The following LHFPL2 variants were observed in gnomAD, a reference collection of about 807,000 sequenced individuals.
LHFPL2 encodes the protein LHFPL tetraspan subfamily member 2.
In LHFPL2, 7 loss-of-function variants were observed where a neutral mutation model predicts 17.5. The ratio of observed to expected loss-of-function variants is 0.40; its 90% CI spans 0.23 to 0.75. The LOEUF (loss-of-function observed/expected upper bound fraction) is 0.75. Ranked by LOEUF, LHFPL2 falls within the 30% of genes least tolerant of loss-of-function variation. LHFPL2 has a pLI of 0.37. For synonymous variants in LHFPL2, 134 were observed against 116.2 expected (o/e 1.15, Z -0.99); for missense variants, 241 against 294.8 (o/e 0.82, Z 1.34).
intron 3 of LHFPL2, among the ~76,000 whole-genome samples, chr5:78,558,810 T>C (rs1412938298): frequency 2.0e-5 from 3 of 152,150 alleles, no homozygotes; most frequent in African/African-American, 4.8e-5. Context: ...AGGGAAAACA[T>C]GCATTCTTCT....
chr5:78,614,296 T>A (rs1037622836), intron 2 of LHFPL2, among the ~76,000 whole-genome samples: 1 of 152,238 alleles, frequency 6.6e-6, no homozygotes. Context: ...CAAATGCTAC[T>A]AGAACAACTC....
intron 4 of LHFPL2, 116 bp from the exon 5 acceptor site, chr5:78,489,269 A>G (rs1754358682): frequency 2.6e-6 from 3 of 1,162,278 alleles, no homozygotes; most frequent in South Asian, 2.9e-5. Flanking sequence ...ATTCTGCAAT[A>G]GAAAGTGTTG....
At chr5:78,525,203 C>T (rs1486000029) in intron 3 of LHFPL2, among the ~76,000 whole-genome samples, 2 of 152,200 alleles carry the variant, frequency 1.3e-5, no homozygotes, top group African/African-American at 4.8e-5. Flanking sequence ...TGGTTTAGAC[C>T]CAGGGACTGA....
intron 2 of LHFPL2, among the ~76,000 whole-genome samples, chr5:78,615,552 A>G (rs1744572166): frequency 6.6e-6 from 1 of 152,230 alleles, no homozygotes; most frequent in Admixed American, 6.5e-5. Context: ...GCTCTTTCAT[A>G]AACTCTAAGC....
rs1417589050 is a variant in LHFPL2 at position 78,487,856 on chromosome 5, T to TAACTC, written c.*1036_*1040dup. ...ATCAACACCAGTAACTACAAAAACT[T>TAACTC]AACTCCCATAACTAGCTTCTTTTTG... On this transcript the variant is annotated 3_prime_UTR_variant, in exon 5 of 5. Transcript: ENST00000380345. 6.6e-6 allele frequency: 1 copy of TAACTC among 152,192 alleles called. No individual in the cohort carries two copies. The highest frequency in any genetic ancestry group is 1.5e-5 in the Non-Finnish European group (1 of 68,044). 9.4% of individuals were successfully genotyped at this position (152,192 alleles called of 1,614,324 possible). A position where few individuals can be genotyped will look rare whatever the true frequency, so the allele number is the denominator to read the frequency against.
intron 4 of LHFPL2, among the ~76,000 whole-genome samples, chr5:78,504,040 GACT>G (rs907400123): frequency 6.6e-6 from 1 of 152,016 alleles, no homozygotes; most frequent in Non-Finnish European, 1.5e-5. Context: ...TTTACCAAGG[GACT>G]ACTAAAGGCT....
rs185801136 is a variant in LHFPL2 at position 78,527,777 on chromosome 5, G to A, written c.-185-17379C>T. On this transcript the variant is annotated intron_variant, in intron 3 of 4. Transcript: ENST00000380345. Reference sequence around the variant, plus strand: ...AGACTAAACAACATCATTCAGCTGGGAAAATTAGCTACCCATCTTGGTCCC... The same window carrying A: ...AGACTAAACAACATCATTCAGCTGGAAAAATTAGCTACCCATCTTGGTCCC... Among the ~76,000 whole-genome samples the A allele has an allele frequency of 3.1e-3, 465 of 152,238 alleles. 2 individuals are homozygous for A. The highest frequency in any genetic ancestry group is 0.011 in the Admixed American group (169 of 15,284).
At position 78,488,839 on chromosome 5, in the gene LHFPL2, A is replaced by G. The variant is rs762074601; in HGVS notation, c.*58T>C. On this transcript the variant is annotated 3_prime_UTR_variant, in exon 5 of 5. Transcript: ENST00000380345. The stretch of plus-strand genomic sequence containing the variant: ...GTTCTCCACTTGACTCAAATGATGA[A>G]ACTGTGGACTGTTTCACAAGATTAC... The G allele has an allele frequency of 2.5e-6, 4 of 1,583,622 alleles. No homozygotes were observed. The highest frequency in any genetic ancestry group is 3.4e-6 in the Non-Finnish European group (4 of 1,162,922).
chr5:78,492,742 G>A (rs1754486367), intron 4 of LHFPL2, among the ~76,000 whole-genome samples: 1 of 152,238 alleles, frequency 6.6e-6, no homozygotes, highest in African/African-American at 2.4e-5. Context: ...GCTTCAGCTT[G>A]AATATTTATA....
intron 2 of LHFPL2, among the ~76,000 whole-genome samples, chr5:78,628,213 G>T (rs1745119145): frequency 6.6e-6 from 1 of 152,160 alleles, no homozygotes; most frequent in South Asian, 2.1e-4. Context: ...AAGGGCTAAT[G>T]AAATTATCTC....
At chr5:78,583,937 G>C (rs1298923142) in intron 2 of LHFPL2, among the ~76,000 whole-genome samples, 1 of 151,492 alleles carries the variant, frequency 6.6e-6, no homozygotes, top group African/African-American at 2.4e-5. Context: ...ACGTAGATTT[G>C]GTCTTTTCAC....
At chr5:78,513,695 G>A (rs757296057) in intron 3 of LHFPL2, among the ~76,000 whole-genome samples, 3 of 152,160 alleles carry the variant, frequency 2.0e-5, no homozygotes, top group Admixed American at 1.3e-4. Context: ...TAGTGAATAA[G>A]TCTCACAAGA....
At chr5:78,519,975 A>G (rs748628106) in intron 3 of LHFPL2, among the ~76,000 whole-genome samples, 22 of 151,250 alleles carry the variant, frequency 1.5e-4, no homozygotes, top group Non-Finnish European at 2.8e-4. Context: ...ACGCTCTAGC[A>G]TTAACTAGCT....
chr5:78,568,652 TA>T (rs1756919871), intron 2 of LHFPL2, among the ~76,000 whole-genome samples: 1 of 152,178 alleles, frequency 6.6e-6, no homozygotes, highest in Non-Finnish European at 1.5e-5. Context: ...AACTGTGTAA[TA>T]AACAGAGTTG....
chr5:78,590,465 T>C (rs909905124), intron 2 of LHFPL2, among the ~76,000 whole-genome samples: 30 of 152,210 alleles, frequency 2.0e-4, no homozygotes, highest in African/African-American at 7.2e-4. Flanking sequence ...TAATAAATAC[T>C]ATAAGTAAAG....
chr5:78,507,937 T>C (rs1190102971), intron 4 of LHFPL2, among the ~76,000 whole-genome samples: 5 of 84,442 alleles, frequency 5.9e-5, no homozygotes, highest in Non-Finnish European at 1.1e-4. Context: ...GATATACACA[T>C]GCATACACAC....
intron 2 of LHFPL2, among the ~76,000 whole-genome samples, chr5:78,602,977 G>A (rs1006870347): frequency 1.3e-5 from 2 of 152,188 alleles, no homozygotes; most frequent in Admixed American, 6.5e-5. Flanking sequence ...TGCAACCTTC[G>A]CCTCCTGGGT....
At chr5:78,489,861 A>G (rs1754379203) in intron 4 of LHFPL2, among the ~76,000 whole-genome samples, 1 of 151,932 alleles carries the variant, frequency 6.6e-6, no homozygotes, top group Non-Finnish European at 1.5e-5. Context: ...CAAAATCTAA[A>G]ATGTTTACTC....
At chr5:78,630,564 G>C (rs752414770) in intron 2 of LHFPL2, among the ~76,000 whole-genome samples, 10 of 152,032 alleles carry the variant, frequency 6.6e-5, no homozygotes, top group Non-Finnish European at 1.2e-4. Flanking sequence ...TGGGAGTCAA[G>C]GTTCCTTTAC....
Sources: allele counts gnomAD v4.1 joint callset (sites outside exome capture counted in the v4.1 genomes callset), GRCh38; gene constraint gnomAD v4.1.1; transcripts MANE v1.5; gene names NCBI Gene and HGNC (gene_info 2026-07-23, HGNC 2026-07-21).